Variants in KCNAB1 observed in about 807,000 individuals in gnomAD.
The protein encoded by KCNAB1 is potassium voltage-gated channel subfamily A regulatory beta subunit 1, also known as voltage-gated potassium channel subunit beta-1.
In KCNAB1, 35 loss-of-function variants were observed where a neutral mutation model predicts 64.6. The ratio of observed to expected loss-of-function variants is 0.54; its 90% CI spans 0.41 to 0.72. KCNAB1 has a LOEUF of 0.72. KCNAB1 is among the 30% of genes least tolerant of loss of function. The pLI is 0.00. For synonymous variants in KCNAB1, 177 were observed against 183.8 expected (o/e 0.96, Z 0.30); for missense variants, 401 against 512.9 (o/e 0.78, Z 2.11).
chr3:156,197,184 T>C (rs936358712), intron 1 of KCNAB1, among the ~76,000 whole-genome samples: 2 of 152,216 alleles, frequency 1.3e-5, no homozygotes, highest in South Asian at 4.1e-4. Context: ...CTTTTTGATA[T>C]GCTGCTGGAT....
intron 1 of KCNAB1, among the ~76,000 whole-genome samples, chr3:156,239,833 C>G (rs1717062767): frequency 6.6e-6 from 1 of 151,970 alleles, no homozygotes; most frequent in Non-Finnish European, 1.5e-5. Flanking sequence ...TCTCCTGTAC[C>G]CCAAATCCAT....
intron 1 of KCNAB1, among the ~76,000 whole-genome samples, chr3:156,236,099 CAAT>C (rs757029710): frequency 1.3e-5 from 2 of 152,072 alleles, no homozygotes; most frequent in African/African-American, 2.4e-5. Context: ...ATAACAATAA[CAAT>C]AATCACAATA....
chr3:156,223,651 C>G (rs1056405403), intron 1 of KCNAB1, among the ~76,000 whole-genome samples: 1 of 152,108 alleles, frequency 6.6e-6, no homozygotes, highest in African/African-American at 2.4e-5. Context: ...TAAAGGTTCT[C>G]CAAGTTCCCA....
intron 1 of KCNAB1, among the ~76,000 whole-genome samples, chr3:156,341,548 G>T (rs1014305322): frequency 3.9e-5 from 6 of 152,164 alleles, no homozygotes; most frequent in Non-Finnish European, 8.8e-5. Context: ...CCTCCGAGCT[G>T]TGTTAGGATG....
In KCNAB1 at chr3:156,469,359, C is replaced by T. The variant is rs142149582; in HGVS notation, c.571+3673C>T. ...GCAACCTCCGCCTCCAGGGTTCAAG[C>T]GATTCTCTTGCCTCAGCCTCCCAGG... On this transcript the variant is annotated intron_variant, in intron 7 of 13. Coordinates refer to ENST00000490337, the MANE Select transcript of KCNAB1 (RefSeq NM_172160.3). Among the ~76,000 whole-genome samples, 219 of 148,668 alleles carry T rather than the reference C, an allele frequency of 1.5e-3. 1 individual carries two copies. The highest frequency in any genetic ancestry group is 4.4e-3 in the African/African-American group (176 of 40,126).
chr3:156,343,133 A>G (rs1176342095), intron 1 of KCNAB1, among the ~76,000 whole-genome samples: 1 of 152,210 alleles, frequency 6.6e-6, no homozygotes, highest in Non-Finnish European at 1.5e-5. Flanking sequence ...ATGGATTTTA[A>G]TCGTACAGCT....
At chr3:156,300,813 G>A (rs549569662) in intron 1 of KCNAB1, among the ~76,000 whole-genome samples, 14 of 152,226 alleles carry the variant, frequency 9.2e-5, no homozygotes, top group African/African-American at 3.4e-4. Context: ...ATATGAAAAG[G>A]CCAAATTTGA....
intron 1 of KCNAB1, among the ~76,000 whole-genome samples, chr3:156,251,081 T>A (rs1024321088): frequency 3.3e-5 from 5 of 152,186 alleles, no homozygotes; most frequent in Non-Finnish European, 7.4e-5. Flanking sequence ...ACCCAGCTCA[T>A]TGAAGAGTTT....
At chr3:156,338,189 G>A (rs1457345681) in intron 1 of KCNAB1, among the ~76,000 whole-genome samples, 1 of 151,100 alleles carries the variant, frequency 6.6e-6, no homozygotes, top group African/African-American at 2.4e-5. Context: ...TTTGCTGTGT[G>A]TTCAAAGGTT....
rs757799382 is a variant in KCNAB1 at position 156,120,850 on chromosome 3, A to G, written c.239A>G (p.Glu80Gly). The change falls in exon 1 of 14, where the codon GAG becomes GGG. Residue 80 changes from glutamate (E) to glycine (G), a missense_variant. Transcript: ENST00000490337. Reference sequence around the variant, plus strand: ...CTAAAGCTCTGCGACCTGTCCAGCGAGCACACCACCGTCTGCACCACAGGC... The same window carrying G: ...CTAAAGCTCTGCGACCTGTCCAGCGGGCACACCACCGTCTGCACCACAGGC... The part of the protein sequence containing the change: ...WYLKLCDLSS[E>G]HTTVCTTGMP... The G allele has an allele frequency of 6.2e-7, 1 of 1,614,178 alleles. No individual in the cohort carries two copies. Among genetic ancestry groups the G allele is most frequent in the Non-Finnish European group, 8.5e-7 (1 of 1,180,026 alleles).
At chr3:156,354,913 A>G (rs1725134038) in intron 1 of KCNAB1, among the ~76,000 whole-genome samples, 1 of 152,220 alleles carries the variant, frequency 6.6e-6, no homozygotes, top group South Asian at 2.1e-4. Flanking sequence ...TAAGAATACT[A>G]GTTCATACTC....
intron 1 of KCNAB1, among the ~76,000 whole-genome samples, chr3:156,270,416 T>C (rs1718964320): frequency 6.6e-6 from 1 of 152,194 alleles, no homozygotes; most frequent in Non-Finnish European, 1.5e-5. Context: ...TCTGGTGGTA[T>C]GTTTTAATTT....
chr3:156,118,951 T>G (rs1713201568), upstream of KCNAB1, among the ~76,000 whole-genome samples: 1 of 152,220 alleles, frequency 6.6e-6, no homozygotes, highest in African/African-American at 2.4e-5. Context: ...GTGCTAAAAG[T>G]TCCTAAGACC....
chr3:156,182,783 C>T (rs947737004), intron 1 of KCNAB1, among the ~76,000 whole-genome samples: 1 of 151,090 alleles, frequency 6.6e-6, no homozygotes, highest in Non-Finnish European at 1.5e-5. Context: ...AAGGCAACCT[C>T]TGCCTCCCAG....
chr3:156,431,015 C>T (rs12054022), intron 2 of KCNAB1, among the ~76,000 whole-genome samples: 33,319 of 152,080 alleles, frequency 0.22, 4,298 homozygotes, highest in African/African-American at 0.36. Flanking sequence ...GAATGGGGAC[C>T]GGAATCCATG....
At chr3:156,468,664 C>A (rs972157698) in intron 7 of KCNAB1, among the ~76,000 whole-genome samples, 1 of 152,148 alleles carries the variant, frequency 6.6e-6, no homozygotes, top group Non-Finnish European at 1.5e-5. Flanking sequence ...AAGCACTTAA[C>A]GCATGTTATT....
At chr3:156,173,606 T>C (rs1712153731) in intron 1 of KCNAB1, among the ~76,000 whole-genome samples, 1 of 152,216 alleles carries the variant, frequency 6.6e-6, no homozygotes, top group Non-Finnish European at 1.5e-5. Flanking sequence ...AGTTTCCCCA[T>C]CTTTAAATGA....
At chr3:156,179,778 A>G (rs949945911) in intron 1 of KCNAB1, among the ~76,000 whole-genome samples, 3 of 152,234 alleles carry the variant, frequency 2.0e-5, no homozygotes, top group Non-Finnish European at 4.4e-5. Flanking sequence ...ATTGCTTCAA[A>G]TACTGAACTT....
At chr3:156,145,603 A>G (rs572474679) in intron 1 of KCNAB1, among the ~76,000 whole-genome samples, 29 of 152,286 alleles carry the variant, frequency 1.9e-4, no homozygotes, top group African/African-American at 6.0e-4. Context: ...GACCATGGCT[A>G]TGTTAAAAAA....
Sources: gnomAD v4.1 joint callset for allele counts (sites outside exome capture counted in the v4.1 genomes callset) on GRCh38, gnomAD v4.1.1 for gene constraint, MANE v1.5 for transcripts, NCBI Gene and HGNC (gene_info 2026-07-23, HGNC 2026-07-21) for gene names.